GPHN: variants seen among roughly 807,000 people sequenced by gnomAD.
The protein encoded by GPHN is gephyrin.
A neutral mutation model predicts 95.5 loss-of-function variants in GPHN; 17 were observed. That is an observed-to-expected ratio of 0.18 (90% CI 0.12 to 0.27). The LOEUF is 0.27. GPHN is among the 10% of genes least tolerant of loss of function. GPHN has a pLI of 1.00. For missense variants in GPHN, 660 were observed against 978.1 expected (o/e 0.67, Z 4.34); for synonymous variants, 320 against 322.5 (o/e 0.99, Z 0.08).
At chr14:66,846,587 G>T (rs1228382775) in intron 4 of GPHN, among the ~76,000 whole-genome samples, 2 of 152,134 alleles carry the variant, frequency 1.3e-5, no homozygotes, top group African/African-American at 4.8e-5. Context: ...TCAGGAAGAA[G>T]AATGTAATAA....
intron 16 of GPHN, among the ~76,000 whole-genome samples, chr14:67,115,661 G>A (rs2078643105): frequency 6.6e-6 from 1 of 152,070 alleles, no homozygotes; most frequent in South Asian, 2.1e-4. Context: ...CTTGAACCCG[G>A]GAGGCGGAGG....
the GPHN span, chr14:67,690,570 A>G: frequency 1.4e-5 from 9 of 662,044 alleles, no homozygotes; most frequent in African/African-American, 5.4e-5. Flanking sequence ...AACAAGTTTA[A>G]TGAAGGTTTA....
chr14:67,657,787 C>T, the GPHN span, among the ~76,000 whole-genome samples: 8 of 141,120 alleles, frequency 5.7e-5, no homozygotes, highest in Admixed American at 3.0e-4. Context: ...CTCGCTCTGT[C>T]GCCCGGGCTG....
At chr14:67,302,786 T>C in the GPHN span, among the ~76,000 whole-genome samples, 1 of 152,178 alleles carries the variant, frequency 6.6e-6, no homozygotes, top group African/African-American at 2.4e-5. Context: ...CTATCACATA[T>C]ATTTTATTTT....
the GPHN span, among the ~76,000 whole-genome samples, chr14:67,286,855 C>CAAA: frequency 1.3e-4 from 9 of 67,168 alleles, no homozygotes; most frequent in East Asian, 9.8e-4. Flanking sequence ...GACCTGGTCT[C>CAAA]AAAAAAAAAA....
chr14:67,453,609 C>G, the GPHN span, among the ~76,000 whole-genome samples: 1 of 152,220 alleles, frequency 6.6e-6, no homozygotes, highest in African/African-American at 2.4e-5. Context: ...AATCTCATGC[C>G]AGGTCAGGAT....
intron 1 of GPHN, among the ~76,000 whole-genome samples, chr14:66,600,817 C>CAGAG (rs1321192644): frequency 4.6e-5 from 7 of 152,144 alleles, no homozygotes; most frequent in African/African-American, 1.7e-4. Context: ...AGAAACAAAG[C>CAGAG]AGAGCATTTG....
In GPHN at chr14:67,083,666, G is replaced by A. The variant is rs556038742; in HGVS notation, c.1145-5317G>A. Among the ~76,000 whole-genome samples, 5 of 152,268 alleles carry A rather than the reference G, an allele frequency of 3.3e-5. No homozygotes were observed. In the South Asian group the frequency reaches 1.0e-3, roughly 32 times the overall value. On this transcript the variant is annotated intron_variant, in intron 11 of 22. Transcript: ENST00000478722. Reference sequence around the variant, plus strand: ...AGTATTCAGAGTGGCAATGATCAAGGAGAACTTACTATCTTGAATGAAGTC... The same window carrying A: ...AGTATTCAGAGTGGCAATGATCAAGAAGAACTTACTATCTTGAATGAAGTC...
At chr14:67,389,201 G>T in the GPHN span, among the ~76,000 whole-genome samples, 1 of 151,938 alleles carries the variant, frequency 6.6e-6, no homozygotes. Flanking sequence ...GCAAGAGGTA[G>T]GGCAAAAAAT....
At chr14:67,674,616 G>A in the GPHN span, 17 of 682,452 alleles carry the variant, frequency 2.5e-5, no homozygotes, top group Admixed American at 6.2e-4. Flanking sequence ...CCCAGGACGA[G>A]GCTCTTCCGG....
chr14:67,588,377 G>A, the GPHN span: 1 of 152,576 alleles, frequency 6.6e-6, no homozygotes, highest in African/African-American at 2.4e-5. Context: ...ACTATTTCAG[G>A]CATGTGGGCC....
At chr14:67,704,269 G>C in the GPHN span, among the ~76,000 whole-genome samples, 46 of 152,104 alleles carry the variant, frequency 3.0e-4, 2 homozygotes, top group South Asian at 9.3e-3. Context: ...GCAGCTAGAG[G>C]CAAAAAGGAG....
intron 17 of GPHN, among the ~76,000 whole-genome samples, chr14:67,142,204 G>C (rs546370945): frequency 6.6e-6 from 1 of 152,274 alleles, no homozygotes; most frequent in African/African-American, 2.4e-5. Context: ...CAAGAGTATG[G>C]CTAGATATAT....
At chr14:67,659,614 A>C in the GPHN span, 7 of 1,077,614 alleles carry the variant, frequency 6.5e-6, no homozygotes, top group Non-Finnish European at 8.9e-6. Context: ...AGGGTGAAAA[A>C]AATGAAACAA....
At chr14:67,139,052 T>C (rs1452452220) in intron 17 of GPHN, among the ~76,000 whole-genome samples, 1 of 151,632 alleles carries the variant, frequency 6.6e-6, no homozygotes, top group Admixed American at 6.6e-5. Flanking sequence ...GTGAAACCCA[T>C]CTCTACTAAA....
the GPHN span, among the ~76,000 whole-genome samples, chr14:67,493,481 C>T: frequency 2.0e-4 from 31 of 152,204 alleles, no homozygotes; most frequent in South Asian, 4.1e-4. Context: ...AGTGTGCTCT[C>T]GTGATCGTAA....
the GPHN span, among the ~76,000 whole-genome samples, chr14:67,482,946 A>C: frequency 3.9e-5 from 6 of 152,182 alleles, no homozygotes; most frequent in Non-Finnish European, 7.3e-5. Flanking sequence ...TATTAACTCA[A>C]AAAATTCTCA....
At chr14:67,692,738 A>C in the GPHN span, 2 of 973,978 alleles carry the variant, frequency 2.1e-6, no homozygotes, top group Non-Finnish European at 3.0e-6. Flanking sequence ...CAAATAGGTA[A>C]AGAAAAATAA....
At chr14:67,574,568 C>G in the GPHN span, among the ~76,000 whole-genome samples, 1 of 152,330 alleles carries the variant, frequency 6.6e-6, no homozygotes, top group East Asian at 1.9e-4. This position sits in a 1 kb window ranked among gnomAD's most constrained non-coding sequence, Gnocchi z 4.2. Flanking sequence ...TCTGGCCACA[C>G]AAGGTGATGG....
Sources: gnomAD v4.1 joint callset for allele counts (sites outside exome capture counted in the v4.1 genomes callset) on GRCh38, gnomAD v4.1.1 for gene constraint, Gnocchi (gnomAD v3.1) non-coding constraint, MANE v1.5 for transcripts, NCBI Gene and HGNC (gene_info 2026-07-23, HGNC 2026-07-21) for gene names.